Variants in MXRA5 observed in about 807,000 individuals in gnomAD.
The protein encoded by MXRA5 is matrix-remodeling-associated protein 5.
MXRA5 carries 41 observed loss-of-function variants against 112.5 expected under a neutral mutation model. The observed-to-expected ratio is 0.36, with a 90% CI of 0.28 to 0.47. The LOEUF is 0.47. Ranked by LOEUF, MXRA5 falls within the 20% of genes least tolerant of loss-of-function variation. The pLI is 0.99. For missense variants in MXRA5, 2,150 were observed against 2,251.0 expected (o/e 0.96, Z 0.91); for synonymous variants, 862 against 900.8 (o/e 0.96, Z 0.77).
chrX:3,337,511 T>A (rs2146931165), intron 2 of MXRA5, among the ~76,000 whole-genome samples: 1 of 112,091 alleles, frequency 8.9e-6, no homozygotes, highest in African/African-American at 3.2e-5. Flanking sequence ...ACCCTATACC[T>A]ACCTATCATC....
At chrX:3,316,346 A>G (rs887960474) in intron 6 of MXRA5, among the ~76,000 whole-genome samples, 2 of 90,311 alleles carry the variant, frequency 2.2e-5, no homozygotes, top group Non-Finnish European at 4.4e-5. Flanking sequence ...AAATAAATAA[A>G]TAAATAAATA....
At chrX:3,327,503 A>C (rs1453565218) in intron 4 of MXRA5, among the ~76,000 whole-genome samples, 3 of 112,451 alleles carry the variant, frequency 2.7e-5, no homozygotes, top group Non-Finnish European at 5.6e-5. Flanking sequence ...TGCCTGAATC[A>C]CTGCACTTTT....
chrX:3,319,085 A>G (rs1921228895), intron 5 of MXRA5, among the ~76,000 whole-genome samples: 1 of 111,471 alleles, frequency 9.0e-6, no homozygotes, highest in Admixed American at 9.5e-5. Context: ...GGAAGATATT[A>G]ATTAAAGAGT....
chrX:3,319,256 A>G lies in MXRA5; in HGVS notation c.5677+752T>C, dbSNP rs754410458. On this transcript the variant is annotated intron_variant, in intron 5 of 6. Coordinates refer to ENST00000217939, the MANE Select transcript of MXRA5 (RefSeq NM_015419.4). ...TGCTGTAAAAAAAGGATAGAGAAAA[A>G]GAATGTTTTGTTTCTCTTTTTCATC... Among the ~76,000 whole-genome samples the G allele has an allele frequency of 4.3e-4, 48 of 112,696 alleles. No homozygotes were observed. In the Admixed American group the frequency reaches 4.4e-3, roughly 10 times the overall value.
chrX:3,323,442 T>G lies in MXRA5; in HGVS notation c.2243A>C (p.Lys748Thr). Reference protein sequence around the residue: ...KKGRRKLKLWKHSEKEPETNV... With the variant: ...KKGRRKLKLWTHSEKEPETNV... The stretch of plus-strand genomic sequence containing the variant: ...GGTCTCTGGTTCTTTTTCCGAATGC[T>G]TCCAGAGTTTCAGCTTTCTTCTCCC... The change falls in exon 5 of 7, where the codon AAG becomes ACG. Residue 748 changes from lysine (K) to threonine (T), a missense_variant. Coordinates refer to ENST00000217939, the MANE Select transcript of MXRA5 (RefSeq NM_015419.4). 8.3e-7 allele frequency: 1 copy of G among 1,212,090 alleles called. No homozygotes were observed. The highest frequency in any genetic ancestry group is 1.1e-6 in the Non-Finnish European group (1 of 895,608).
At position 3,316,315 on chromosome X, in the gene MXRA5, AAAATAAATAAATAAAT is replaced by A. The variant is rs751358454; in HGVS notation, c.6578+772_6578+787del. On this transcript the variant is annotated intron_variant, in intron 6 of 6. Transcript: ENST00000217939. ...GGCCACAGAGCGAGATTCCGTCTCA[AAAATAAATAAATAAAT>A]AAATAAATAAATAAATAAATAAATA... 2.7e-3 allele frequency among the ~76,000 whole-genome samples: 226 copies of A among 84,947 alleles called. 1 individual carries two copies. Among genetic ancestry groups the A allele is most frequent in the African/African-American group, 8.6e-3 (176 of 20,445 alleles). 73.8% of individuals were successfully genotyped at this position (84,947 alleles called of 115,157 possible).
At chrX:3,343,613 A>C in intron 2 of MXRA5, 33 bp downstream of exon 2, 1 of 1,177,451 alleles carries the variant, frequency 8.5e-7, no homozygotes, top group South Asian at 1.8e-5. Context: ...ACGCACTGAC[A>C]GTGGGAAGGT....
At chrX:3,337,075 G>C (rs1009244645) in intron 2 of MXRA5, among the ~76,000 whole-genome samples, 4 of 112,229 alleles carry the variant, frequency 3.6e-5, no homozygotes, top group Admixed American at 1.9e-4. Flanking sequence ...TTAAAGCACA[G>C]GAAGGAGAGT....
At chrX:3,342,332 A>G (rs1386909586) in intron 2 of MXRA5, among the ~76,000 whole-genome samples, 1 of 111,537 alleles carries the variant, frequency 9.0e-6, no homozygotes, top group Non-Finnish European at 1.9e-5. Flanking sequence ...ACAAACTTGT[A>G]CACTCTGCAC....
intron 2 of MXRA5, among the ~76,000 whole-genome samples, chrX:3,337,851 G>A (rs192857784): frequency 2.0e-3 from 229 of 111,783 alleles, no homozygotes; most frequent in Non-Finnish European, 2.9e-3. Flanking sequence ...GTGGGAATGA[G>A]GACAAACTTG....
At chrX:3,335,567 A>T (rs1921767482) in intron 2 of MXRA5, among the ~76,000 whole-genome samples, 1 of 112,226 alleles carries the variant, frequency 8.9e-6, no homozygotes, top group South Asian at 3.7e-4. Context: ...TTTAGCACAC[A>T]AGAGAGGGCC....
intron 2 of MXRA5, among the ~76,000 whole-genome samples, chrX:3,339,357 C>T (rs1157635203): frequency 9.0e-6 from 1 of 110,704 alleles, no homozygotes; most frequent in Non-Finnish European, 1.9e-5. Context: ...CTCTGCCTCC[C>T]AGGTTCACGC....
intron 4 of MXRA5, among the ~76,000 whole-genome samples, chrX:3,326,602 C>G (rs1377612370): frequency 9.2e-6 from 1 of 108,300 alleles, no homozygotes; most frequent in Admixed American, 1.0e-4. Flanking sequence ...ATAACTCTCT[C>G]TATATTTGTA....
intron 4 of MXRA5, among the ~76,000 whole-genome samples, chrX:3,328,965 C>T (rs937610057): frequency 1.5e-5 from 1 of 65,459 alleles, no homozygotes. Flanking sequence ...AAGGAAGGAA[C>T]GAAGGAAGGA....
Position 3,317,951 on chromosome X carries a change from G to A in MXRA5, c.5730C>T (p.Asn1910=), listed in dbSNP as rs767659217. The change falls in exon 6 of 7, where the codon AAC becomes AAT. Residue 1910 remains asparagine (N), a synonymous_variant. Transcript: ENST00000217939. ...TRIQRFEVLK[N]GTLVIRKVQV... is the part of the protein sequence containing the mutation. ...GAACCTTCCGTATCACTAAGGTACC[G>A]TTCTTGAGAACCTCAAACCGTTGTA... 3.1e-5 allele frequency: 37 copies of A among 1,206,837 alleles called. No individual in the cohort carries two copies. The East Asian group carries it at 3.6e-4, about 12-fold the overall frequency.
chrX:3,322,291 GTGT>G lies in MXRA5; in HGVS notation c.3391_3393del (p.Thr1131del). ...GATGACGGAGCAACTTTTTGCCTTG[GTGT>G]TGTTGTTGCTGTTGTGGTGTCTTTG... is the stretch of plus-strand genomic sequence containing the variant. On this transcript the variant is annotated inframe_deletion, in exon 5 of 7. Transcript: ENST00000217939. The G allele has an allele frequency of 1.7e-6, 2 of 1,209,168 alleles. No homozygotes were observed. Among genetic ancestry groups the G allele is most frequent in the East Asian group, 3.0e-5 (1 of 33,779 alleles).
In MXRA5 at chrX:3,319,814, T is replaced by C. The variant is rs111604177; in HGVS notation, c.5677+194A>G. 6.0e-3 allele frequency among the ~76,000 whole-genome samples: 667 copies of C among 111,373 alleles called. 5 individuals carry two copies. The highest frequency in any genetic ancestry group is 0.02 in the African/African-American group (627 of 30,636). On this transcript the variant is annotated intron_variant, in intron 5 of 6. Coordinates refer to ENST00000217939, the MANE Select transcript of MXRA5 (RefSeq NM_015419.4). ...CAAGCCTGCACATGTTCCCCCTGTG[T>C]CTAAAATAAAAGCTGAAGTTATAAA...
At position 3,309,962 on chromosome X, in the gene MXRA5, G is replaced by C; in HGVS notation, c.8241C>G (p.Pro2747=). 2 of 1,211,376 alleles carry C rather than the reference G, an allele frequency of 1.7e-6. No homozygotes were observed. The highest frequency in any genetic ancestry group is 1.8e-5 in the South Asian group (1 of 56,888). Residue 2747 remains proline (P), a synonymous_variant, in exon 7 of 7, where the codon CCC becomes CCG. Transcript: ENST00000217939. ...TGCAGTTCAGTTTCACGGTGTTCCC[G>C]GGCCGGGTGTAGATGACCGGGGTGG... ...SEPTPVIYTR[P]GNTVKLNCMA... is the part of the protein sequence containing the mutation.
chrX:3,320,537 C>A lies in MXRA5; in HGVS notation c.5148G>T (p.Lys1716Asn), dbSNP rs1921269406. 3.3e-6 allele frequency: 4 copies of A among 1,210,108 alleles called. No homozygotes were observed. The highest frequency in any genetic ancestry group is 2.2e-6 in the Non-Finnish European group (2 of 895,255). ...NIPEARNPVGKPPSPRIPHYS... is the reference protein window; with the variant it reads ...NIPEARNPVGNPPSPRIPHYS... ...AATGAGGAATTCTTGGACTGGGAGG[C>A]TTTCCAACTGGGTTTCTTGCCTCAG... is the stretch of plus-strand genomic sequence containing the variant. Residue 1716 changes from lysine (K) to asparagine (N), a missense_variant, in exon 5 of 7, where the codon AAG becomes AAT. By Grantham distance (94) the Lys-to-Asn change is moderately conservative (BLOSUM62 0). Around this residue, in one of 6 missense-constraint regions of MXRA5, gnomAD observed 1,485 missense variants for 1,471.6 expected, o/e 1.01. Transcript: ENST00000217939.
Sources: allele counts gnomAD v4.1 joint callset (sites outside exome capture counted in the v4.1 genomes callset), GRCh38; gene constraint gnomAD v4.1.1; regional missense constraint gnomAD v4.1.1; transcripts MANE v1.5; gene names NCBI Gene and HGNC (gene_info 2026-07-23, HGNC 2026-07-21).